Variants in L3MBTL4 observed in about 807,000 individuals in gnomAD.
L3MBTL4 encodes the protein L3MBTL histone methyl-lysine binding protein 4, also known as lethal(3)malignant brain tumor-like protein 4.
Under a neutral mutation model 84.5 loss-of-function variants are expected in L3MBTL4, and 70 were observed. The ratio of observed to expected loss-of-function variants is 0.83; its 90% CI spans 0.68 to 1.01. The LOEUF (loss-of-function observed/expected upper bound fraction) is 1.01, where lower values mean the gene tolerates loss of function less well. L3MBTL4 is among the 50% of genes least tolerant of loss of function. The probability of loss-of-function intolerance (pLI) is 0.00; values close to 1 mark genes in which losing one functional copy is unlikely to be tolerated. For missense variants in L3MBTL4, 715 were observed against 754.8 expected, an observed-to-expected ratio of 0.95 and a Z score of 0.62; for synonymous variants, 274 against 259.8, an observed-to-expected ratio of 1.05 and a Z score of -0.52.
At chr18:6,099,585 A>AATATATATATATAT (rs36091567) in intron 14 of L3MBTL4, among the ~76,000 whole-genome samples, 3,042 of 64,562 alleles carry the variant, frequency 0.047, 575 homozygotes, top group South Asian at 0.14. Context: ...AGATAATGTA[A>AATATATATATATAT]ATATATATAT....
At chr18:6,033,018 T>C (rs2055914162) in intron 16 of L3MBTL4, among the ~76,000 whole-genome samples, 1 of 152,198 alleles carries the variant, frequency 6.6e-6, no homozygotes, top group African/African-American at 2.4e-5. Flanking sequence ...GTGTCCTGTA[T>C]GTATCGGTTA....
chr18:6,164,682 G>A (rs1055042439), intron 13 of L3MBTL4, among the ~76,000 whole-genome samples: 5 of 152,164 alleles, frequency 3.3e-5, no homozygotes, highest in Admixed American at 6.5e-5. Flanking sequence ...CCATCTGTAC[G>A]TCACCATCAT....
intron 1 of L3MBTL4, among the ~76,000 whole-genome samples, chr18:6,335,037 C>T (rs1304687017): frequency 2.6e-5 from 4 of 152,144 alleles, no homozygotes; most frequent in Admixed American, 6.5e-5. Context: ...CAAAGCTTGT[C>T]TTTCTAAAGT....
intron 16 of L3MBTL4, among the ~76,000 whole-genome samples, chr18:5,987,759 G>A (rs1437085655): frequency 6.6e-6 from 1 of 152,170 alleles, no homozygotes; most frequent in Non-Finnish European, 1.5e-5. Context: ...TTAAACCAGT[G>A]TATGATTTGG....
At chr18:6,209,445 CAAAAAAAA>C (rs60613997) in intron 12 of L3MBTL4, among the ~76,000 whole-genome samples, 1 of 113,996 alleles carries the variant, frequency 8.8e-6, no homozygotes, top group Non-Finnish European at 2.0e-5. Flanking sequence ...ACTAAACTGG[CAAAAAAAA>C]AAAAAAAGCC....
chr18:6,013,220 C>G (rs541059892), intron 16 of L3MBTL4, among the ~76,000 whole-genome samples: 1 of 152,266 alleles, frequency 6.6e-6, no homozygotes, highest in African/African-American at 2.4e-5. Context: ...CAGGTGAACC[C>G]CAGCCCCGCT....
chr18:6,398,414 T>C (rs1053091634), intron 1 of L3MBTL4, among the ~76,000 whole-genome samples: 1 of 152,034 alleles, frequency 6.6e-6, no homozygotes, highest in Non-Finnish European at 1.5e-5. Flanking sequence ...AGGTGCTGAG[T>C]GGAGCATCAT....
intron 4 of L3MBTL4, among the ~76,000 whole-genome samples, chr18:6,271,812 G>A (rs763386799): frequency 2.0e-5 from 3 of 152,100 alleles, no homozygotes; most frequent in Non-Finnish European, 4.4e-5. Flanking sequence ...GGGTTTTCAC[G>A]GGGCAGGGAG....
chr18:6,067,115 A>C (rs2057427366), intron 16 of L3MBTL4, among the ~76,000 whole-genome samples: 1 of 152,186 alleles, frequency 6.6e-6, no homozygotes, highest in Non-Finnish European at 1.5e-5. Flanking sequence ...AAGGAAGCCA[A>C]AGATAGGACC....
At chr18:6,011,027 A>T (rs2054711092) in intron 16 of L3MBTL4, among the ~76,000 whole-genome samples, 1 of 152,232 alleles carries the variant, frequency 6.6e-6, no homozygotes, top group Admixed American at 6.5e-5. Flanking sequence ...AAAGTGGGGA[A>T]GTCAACCTGG....
chr18:6,241,327 T>G (rs1205227610), intron 8 of L3MBTL4, 31 bp downstream of exon 8: 21 of 1,249,718 alleles, frequency 1.7e-5, no homozygotes, highest in Non-Finnish European at 2.3e-5. Context: ...TTGGGGGAAA[T>G]TTGATTTATG....
At chr18:6,333,423 A>C (rs1282136569) in intron 1 of L3MBTL4, among the ~76,000 whole-genome samples, 1 of 152,110 alleles carries the variant, frequency 6.6e-6, no homozygotes, top group African/African-American at 2.4e-5. Flanking sequence ...CAATACAAAA[A>C]TTAGCCAGGT....
chr18:6,010,047 G>T (rs1328653058), intron 16 of L3MBTL4, among the ~76,000 whole-genome samples: 1 of 151,794 alleles, frequency 6.6e-6, no homozygotes, highest in Non-Finnish European at 1.5e-5. Flanking sequence ...CTTTAAAATC[G>T]ATGTTTCCCT....
chr18:6,206,339 T>C (rs1162606517), intron 12 of L3MBTL4, among the ~76,000 whole-genome samples: 5 of 152,194 alleles, frequency 3.3e-5, no homozygotes, highest in Non-Finnish European at 5.9e-5. Context: ...TCATCATCTT[T>C]TATTTAAGAA....
chr18:6,404,257 A>C (rs2055630405), intron 1 of L3MBTL4, among the ~76,000 whole-genome samples: 1 of 152,202 alleles, frequency 6.6e-6, no homozygotes, highest in African/African-American at 2.4e-5. Context: ...ATAATTTTTA[A>C]AAGAGTCTGA....
intron 16 of L3MBTL4, among the ~76,000 whole-genome samples, chr18:6,032,851 T>C (rs2055902462): frequency 6.6e-6 from 1 of 152,238 alleles, no homozygotes; most frequent in Non-Finnish European, 1.5e-5. Flanking sequence ...GTTCATCCGT[T>C]TTGTAGCATA....
At chr18:5,985,719 C>G (rs375078479) in intron 16 of L3MBTL4, among the ~76,000 whole-genome samples, 3 of 152,124 alleles carry the variant, frequency 2.0e-5, no homozygotes, top group Non-Finnish European at 4.4e-5. Context: ...ATTTACCTAC[C>G]TACCTGGGAG....
At chr18:6,316,161 C>T (rs1057498165) in intron 1 of L3MBTL4, among the ~76,000 whole-genome samples, 4 of 151,656 alleles carry the variant, frequency 2.6e-5, no homozygotes, top group South Asian at 2.1e-4. Flanking sequence ...CCACCCCCAT[C>T]GGAGCTAGTG....
chr18:6,000,391 G>GA (rs2054160609), intron 16 of L3MBTL4, among the ~76,000 whole-genome samples: 1 of 151,652 alleles, frequency 6.6e-6, no homozygotes, highest in African/African-American at 2.4e-5. Context: ...AAGTAGAGGA[G>GA]AAAAATAAAA....
Sources: gnomAD v4.1 joint callset for allele counts (sites outside exome capture counted in the v4.1 genomes callset) on GRCh38, gnomAD v4.1.1 for gene constraint, MANE v1.5 for transcripts, NCBI Gene and HGNC (gene_info 2026-07-23, HGNC 2026-07-21) for gene names.